The following ARMC3 variants were observed in gnomAD, a reference collection of about 807,000 sequenced individuals.
The protein encoded by ARMC3 is armadillo repeat containing 3.
A neutral mutation model predicts 90.3 loss-of-function variants in ARMC3; 74 were observed. The observed-to-expected ratio is 0.82, with a 90% CI of 0.68 to 0.99. The LOEUF is 0.99. Ranked by LOEUF, ARMC3 falls within the 50% of genes least tolerant of loss-of-function variation. The probability of loss-of-function intolerance (pLI) is 0.00; values close to 1 mark genes in which losing one functional copy is unlikely to be tolerated. For synonymous variants in ARMC3, 334 were observed against 361.8 expected, an observed-to-expected ratio of 0.92 and a Z score of 0.87; for missense variants, 958 against 1,042.8, an observed-to-expected ratio of 0.92 and a Z score of 1.12.
intron 10 of ARMC3, among the ~76,000 whole-genome samples, chr10:22,996,487 T>C (rs1311575271): frequency 3.3e-5 from 5 of 152,096 alleles, no homozygotes; most frequent in Non-Finnish European, 7.4e-5. Flanking sequence ...AGAGAAAGAA[T>C]GGGAGATACC....
At chr10:22,938,910 T>C (rs1173970831) in intron 2 of ARMC3, among the ~76,000 whole-genome samples, 1 of 152,146 alleles carries the variant, frequency 6.6e-6, no homozygotes, top group East Asian at 1.9e-4. Flanking sequence ...ACCATAACTC[T>C]CTATAGTTTC....
intron 16 of ARMC3, among the ~76,000 whole-genome samples, chr10:23,011,681 T>C: frequency 6.6e-6 from 1 of 152,164 alleles, no homozygotes; most frequent in Admixed American, 6.5e-5. Flanking sequence ...TGCTTGCTTT[T>C]TTTTTACAGC....
chr10:22,948,508 C>T (rs1834624059), intron 3 of ARMC3, among the ~76,000 whole-genome samples: 1 of 151,828 alleles, frequency 6.6e-6, no homozygotes, highest in East Asian at 1.9e-4. Context: ...ACTCTACTGC[C>T]TGTAACAATG....
intron 16 of ARMC3, among the ~76,000 whole-genome samples, chr10:23,017,224 T>G (rs1417811495): frequency 6.6e-6 from 1 of 152,150 alleles, no homozygotes; most frequent in Non-Finnish European, 1.5e-5. Flanking sequence ...GCAGCAAATA[T>G]AATATTTAAT....
At position 22,968,320 on chromosome 10, in the gene ARMC3, TC is replaced by T; in HGVS notation, c.748del (p.His250IlefsTer2). 5 of 1,613,782 alleles carry T rather than the reference TC, an allele frequency of 3.1e-6. No individual in the cohort carries two copies. The highest frequency in any genetic ancestry group is 4.2e-6 in the Non-Finnish European group (5 of 1,179,746). On this transcript the variant is annotated frameshift_variant, in exon 8 of 19. Transcript: ENST00000298032. LOFTEE classifies it high-confidence loss of function. ...ILETKELNDL[H>X]IEALAVIANC... ...TTTATTATTAGGAATTGAATGACCT[TC>T]ATATAGAAGCACTTGCAGTGATAGC... is the stretch of plus-strand genomic sequence containing the variant.
chr10:22,967,188 T>C (rs1379834089), intron 7 of ARMC3, among the ~76,000 whole-genome samples: 9 of 152,118 alleles, frequency 5.9e-5, no homozygotes, highest in Non-Finnish European at 8.8e-5. Context: ...GGCCTTCAAC[T>C]CATTAGATGA....
intron 3 of ARMC3, among the ~76,000 whole-genome samples, chr10:22,946,917 C>G (rs1021044869): frequency 6.6e-6 from 1 of 152,130 alleles, no homozygotes; most frequent in East Asian, 1.9e-4. Flanking sequence ...CTCAGCACTT[C>G]GGGAGGCCAA....
chr10:23,024,407 T>C (rs796685546), intron 16 of ARMC3, among the ~76,000 whole-genome samples: 7 of 123,432 alleles, frequency 5.7e-5, no homozygotes, highest in African/African-American at 8.0e-5. Context: ...GATAGATAGA[T>C]AGATAGATAG....
chr10:22,959,717 A>G (rs894857667), intron 6 of ARMC3, 143 bp downstream of exon 6: 1 of 792,640 alleles, frequency 1.3e-6, no homozygotes, highest in Non-Finnish European at 2.0e-6. Context: ...ATTCAGAGAA[A>G]AAAATAATGG....
chr10:22,934,055 G>T (rs562913017), intron 2 of ARMC3, among the ~76,000 whole-genome samples: 4 of 152,200 alleles, frequency 2.6e-5, no homozygotes, highest in African/African-American at 9.6e-5. Context: ...AGTCAATAAA[G>T]GTTTGTTGTA....
At chr10:22,930,290 T>C (rs1833876713) in intron 1 of ARMC3, among the ~76,000 whole-genome samples, 1 of 152,168 alleles carries the variant, frequency 6.6e-6, no homozygotes, top group Non-Finnish European at 1.5e-5. Context: ...AATGCTTATA[T>C]TGGCTCTAAA....
At chr10:22,958,034 C>A (rs1309136551) in intron 4 of ARMC3, among the ~76,000 whole-genome samples, 1 of 152,102 alleles carries the variant, frequency 6.6e-6, no homozygotes, top group African/African-American at 2.4e-5. Flanking sequence ...TGCACCCCAG[C>A]CTGGGTGACA....
intron 8 of ARMC3, among the ~76,000 whole-genome samples, chr10:22,971,721 G>A (rs1237398726): frequency 2.0e-5 from 3 of 151,944 alleles, no homozygotes; most frequent in East Asian, 1.9e-4. Flanking sequence ...GATTACAGGT[G>A]TGAGCCACCA....
At chr10:22,935,851 T>A (rs1319831804) in intron 2 of ARMC3, among the ~76,000 whole-genome samples, 1 of 152,228 alleles carries the variant, frequency 6.6e-6, no homozygotes, top group African/African-American at 2.4e-5. Flanking sequence ...TTTTTCCGGA[T>A]GTCTAGATAT....
intron 18 of ARMC3, among the ~76,000 whole-genome samples, chr10:23,034,044 ACAT>A (rs1346443817): frequency 6.6e-6 from 1 of 152,278 alleles, no homozygotes; most frequent in African/African-American, 2.4e-5. Flanking sequence ...ACACTTATAA[ACAT>A]CATTGCATTC....
At chr10:22,960,344 TGAA>T (rs1374543930) in intron 6 of ARMC3, 9 of 152,546 alleles carry the variant, frequency 5.9e-5, no homozygotes, top group African/African-American at 2.2e-4. Context: ...AAAACGAGAG[TGAA>T]GAAGAGGATT....
At chr10:22,939,035 C>T (rs913574491) in intron 2 of ARMC3, among the ~76,000 whole-genome samples, 11 of 152,078 alleles carry the variant, frequency 7.2e-5, no homozygotes, top group Non-Finnish European at 1.3e-4. Flanking sequence ...TTTGGTAAGT[C>T]ACTGAGGGTG....
intron 2 of ARMC3, among the ~76,000 whole-genome samples, chr10:22,933,952 C>A (rs1466200622): frequency 6.6e-6 from 1 of 152,102 alleles, no homozygotes; most frequent in Non-Finnish European, 1.5e-5. Context: ...AATATCTAAG[C>A]CCTTTTCTAC....
chr10:22,990,390 T>C (rs1836652594), intron 10 of ARMC3, among the ~76,000 whole-genome samples: 2 of 152,190 alleles, frequency 1.3e-5, no homozygotes, highest in African/African-American at 4.8e-5. Flanking sequence ...TAGCTAAAAA[T>C]TGTCTGAAAA....
Sources: gnomAD v4.1 joint callset for allele counts (sites outside exome capture counted in the v4.1 genomes callset) on GRCh38, gnomAD v4.1.1 for gene constraint, MANE v1.5 for transcripts, NCBI Gene and HGNC (gene_info 2026-07-23, HGNC 2026-07-21) for gene names.